KLHL1: variants seen among roughly 807,000 people sequenced by gnomAD.
KLHL1 encodes the protein kelch-like protein 1.
KLHL1 carries 47 observed loss-of-function variants against 77.7 expected under a neutral mutation model. That is an observed-to-expected ratio of 0.60 (90% CI 0.48 to 0.77). KLHL1 has a LOEUF of 0.77. Among genes scored for constraint, KLHL1 ranks in the 30% least tolerant of loss-of-function variants. KLHL1 has a pLI of 0.00. For missense variants in KLHL1, 925 were observed against 910.8 expected (o/e 1.02, Z -0.20); for synonymous variants, 360 against 325.2 (o/e 1.11, Z -1.15).
At position 69,947,028 on chromosome 13, in the gene KLHL1, T is replaced by TTG. The variant is rs59606834; in HGVS notation, c.818-6794_818-6793dup. ...TGCCATACAAAATTGTGTGTGTGTG[T>TTG]TGTGTGTGTGTGTGTGTGTGTGTGT... On this transcript the variant is annotated intron_variant, in intron 3 of 10. Transcript: ENST00000377844. Among the ~76,000 whole-genome samples the TTG allele has an allele frequency of 8.6e-3, 1,253 of 145,988 alleles. 10 individuals carry two copies. The highest frequency in any genetic ancestry group is 0.013 in the Non-Finnish European group (870 of 66,584).
At chr13:69,997,541 A>G (rs867887183) in intron 1 of KLHL1, among the ~76,000 whole-genome samples, 12 of 151,302 alleles carry the variant, frequency 7.9e-5, no homozygotes, top group African/African-American at 2.9e-4. Context: ...TTCCACTTAT[A>G]AGTAAAATTA....
At chr13:70,007,287 T>C (rs1350627387) in intron 1 of KLHL1, among the ~76,000 whole-genome samples, 5 of 152,052 alleles carry the variant, frequency 3.3e-5, no homozygotes, top group Non-Finnish European at 7.4e-5. Context: ...TTTAGACATT[T>C]TATAAGTTTC....
At chr13:70,104,621 T>C (rs1296967563) in intron 1 of KLHL1, among the ~76,000 whole-genome samples, 1 of 152,150 alleles carries the variant, frequency 6.6e-6, no homozygotes, top group Non-Finnish European at 1.5e-5. Flanking sequence ...TAAGGATTAA[T>C]TTAGCAGAAA....
chr13:69,805,709 A>G (rs1045958675), intron 6 of KLHL1, among the ~76,000 whole-genome samples: 4 of 151,340 alleles, frequency 2.6e-5, no homozygotes, highest in Non-Finnish European at 4.4e-5. Flanking sequence ...AAAACAAAAC[A>G]ACACTACAAT....
In KLHL1 at chr13:70,010,015, T is replaced by G. The variant is rs1460353767; in HGVS notation, c.498-34213A>C. On this transcript the variant is annotated intron_variant, in intron 1 of 10. Coordinates refer to ENST00000377844, the MANE Select transcript of KLHL1 (RefSeq NM_020866.3). The stretch of plus-strand genomic sequence containing the variant: ...AGGAAATATGTATATCTATGGAAAG[T>G]GCATTACAAGAAGGAGAAAAAAAAA... Among the ~76,000 whole-genome samples, 4 of 151,538 alleles carry G rather than the reference T, an allele frequency of 2.6e-5. 1 individual carries two copies. Among genetic ancestry groups the G allele is most frequent in the South Asian group, 4.2e-4 (2 of 4,802 alleles).
intron 1 of KLHL1, among the ~76,000 whole-genome samples, chr13:70,015,292 T>C (rs1885630303): frequency 6.6e-6 from 1 of 152,166 alleles, no homozygotes; most frequent in Non-Finnish European, 1.5e-5. Context: ...CTGTACAGTA[T>C]GTTACTATAC....
intron 7 of KLHL1, among the ~76,000 whole-genome samples, chr13:69,765,299 T>C (rs191660546): frequency 1.4e-4 from 22 of 152,188 alleles, no homozygotes; most frequent in African/African-American, 5.3e-4. Flanking sequence ...CATTAATACA[T>C]TTATATACTT....
At chr13:70,074,070 G>T (rs955671463) in intron 1 of KLHL1, among the ~76,000 whole-genome samples, 2 of 151,956 alleles carry the variant, frequency 1.3e-5, no homozygotes, top group African/African-American at 4.8e-5. Context: ...CAGGTGATCC[G>T]CCCACCTCGG....
chr13:69,827,289 A>G (rs1251509981), intron 6 of KLHL1, among the ~76,000 whole-genome samples: 1 of 114,502 alleles, frequency 8.7e-6, no homozygotes, highest in Non-Finnish European at 1.9e-5. Context: ...CTAAAATCAT[A>G]AGATAAGGTT....
chr13:69,742,910 T>C (rs1038140994), intron 7 of KLHL1, among the ~76,000 whole-genome samples: 1 of 152,142 alleles, frequency 6.6e-6, no homozygotes, highest in African/African-American at 2.4e-5. Context: ...CAAAAGGATA[T>C]GATATATCTC....
chr13:69,738,977 AAAC>A (rs1873875823), intron 8 of KLHL1, among the ~76,000 whole-genome samples: 1 of 152,314 alleles, frequency 6.6e-6, no homozygotes, highest in East Asian at 1.9e-4. Flanking sequence ...GAAATGAAGA[AAAC>A]AATGCAAAGG....
chr13:69,969,806 T>C (rs1566457571), intron 2 of KLHL1, among the ~76,000 whole-genome samples: 1 of 152,182 alleles, frequency 6.6e-6, no homozygotes, highest in Non-Finnish European at 1.5e-5. Flanking sequence ...TATTTTTATA[T>C]GCACATATTT....
intron 5 of KLHL1, among the ~76,000 whole-genome samples, chr13:69,859,363 G>A (rs762671692): frequency 7.3e-5 from 11 of 151,590 alleles, no homozygotes; most frequent in Non-Finnish European, 1.3e-4. Flanking sequence ...TAGCTAATGG[G>A]AATTATAAGC....
At chr13:70,076,981 T>C (rs1887282665) in intron 1 of KLHL1, among the ~76,000 whole-genome samples, 1 of 151,958 alleles carries the variant, frequency 6.6e-6, no homozygotes, top group Non-Finnish European at 1.5e-5. Flanking sequence ...AACCAAATTC[T>C]AGTAATGGTG....
At position 70,107,624 on chromosome 13, in the gene KLHL1, AC is replaced by A; in HGVS notation, c.75del (p.Ser26LeufsTer40). 6.3e-7 allele frequency: 1 copy of A among 1,578,082 alleles called. No individual in the cohort carries two copies. Among genetic ancestry groups the A allele is most frequent in the Non-Finnish European group, 8.6e-7 (1 of 1,164,510 alleles). ...CCCGCCGGGCCGCCGGTGGAAGGAG[AC>A]GGGTGGCTGAAGAGTTTCCAGCGGA... ...LRLRWKLFSH[P>X]SPSTGGPAGG... On this transcript the variant is annotated frameshift_variant, in exon 1 of 11. Coordinates refer to ENST00000377844, the MANE Select transcript of KLHL1 (RefSeq NM_020866.3). LOFTEE classifies it high-confidence loss of function.
chr13:69,714,831 C>A (rs7323506), intron 9 of KLHL1, among the ~76,000 whole-genome samples: 51,527 of 151,554 alleles, frequency 0.34, 8,920 homozygotes, highest in Non-Finnish European at 0.37. Context: ...TGAGCTCAAG[C>A]AATCCACAGT....
At chr13:69,908,716 G>A (rs1344257935) in intron 4 of KLHL1, among the ~76,000 whole-genome samples, 5 of 151,236 alleles carry the variant, frequency 3.3e-5, no homozygotes, top group African/African-American at 1.2e-4. Flanking sequence ...AATTTCCAAA[G>A]TCACAGAGAA....
chr13:69,926,913 C>G (rs1477498748), intron 4 of KLHL1, among the ~76,000 whole-genome samples: 3 of 127,156 alleles, frequency 2.4e-5, no homozygotes, highest in Non-Finnish European at 4.8e-5. Flanking sequence ...CACCACTGCA[C>G]TCCAGCCTGG....
chr13:69,939,992 T>G, intron 4 of KLHL1, 48 bp downstream of exon 4: 1 of 1,409,816 alleles, frequency 7.1e-7, no homozygotes, highest in Non-Finnish European at 9.6e-7. Context: ...TTTTTACCTC[T>G]GATAACACAG....
Sources: allele counts gnomAD v4.1 joint callset (sites outside exome capture counted in the v4.1 genomes callset), GRCh38; gene constraint gnomAD v4.1.1; transcripts MANE v1.5; gene names NCBI Gene and HGNC (gene_info 2026-07-23, HGNC 2026-07-21).